The following SZT2 variants were observed in gnomAD, a reference collection of about 807,000 sequenced individuals.
SZT2 encodes the protein KICSTOR complex protein SZT2.
In SZT2, 216 loss-of-function variants were observed where a neutral mutation model predicts 404.2. The observed-to-expected ratio is 0.53, with a 90% CI of 0.48 to 0.60. SZT2 has a LOEUF of 0.60. Among genes scored for constraint, SZT2 ranks in the 20% least tolerant of loss-of-function variants. The pLI is 0.00. For missense variants in SZT2, 3,857 were observed against 4,459.2 expected (o/e 0.86, Z 3.85); for synonymous variants, 1,693 against 1,749.9 (o/e 0.97, Z 0.81).
chr1:43,452,339 G>A lies in SZT2; in HGVS notation c.*1859G>A, dbSNP rs1240370737. 1.9e-6 allele frequency: 3 copies of A among 1,592,340 alleles called. No individual in the cohort carries two copies. In the Admixed American group the frequency reaches 5.0e-5, roughly 27 times the overall value. The stretch of plus-strand genomic sequence containing the variant: ...TGGATCCTGTGGGGAAGATGGACTG[G>A]AGGCCTTGCCTCCCTTGGCTCTCTC... On this transcript the variant is annotated 3_prime_UTR_variant, in exon 72 of 72. Coordinates refer to ENST00000634258, the MANE Select transcript of SZT2 (RefSeq NM_001365999.1).
chr1:43,424,364 T>G lies in SZT2; in HGVS notation c.2403T>G (p.Ser801Arg). 4.4e-6 allele frequency: 7 copies of G among 1,597,988 alleles called. No homozygotes were observed. Among genetic ancestry groups the G allele is most frequent in the Non-Finnish European group, 5.9e-6 (7 of 1,179,592 alleles). ...TCTACCATCAGCGCTGGCTTTGGAG[T>G]GTCCCGTCAGGACTGGCCCCTGCGC... The part of the protein sequence containing the change: ...RYLYHQRWLW[S>R]VPSGLAPALP... Residue 801 changes from serine (S) to arginine (R), a missense_variant, in exon 16 of 72, where the codon AGT (serine) becomes AGG (arginine). Coordinates refer to ENST00000634258, the MANE Select transcript of SZT2 (RefSeq NM_001365999.1). This position sits in a 1 kb window ranked among gnomAD's most constrained non-coding sequence, Gnocchi z 4.1.
chr1:43,392,278 A>G (rs1648480551), intron 1 of SZT2, among the ~76,000 whole-genome samples: 1 of 152,174 alleles, frequency 6.6e-6, no homozygotes, highest in Non-Finnish European at 1.5e-5. Flanking sequence ...CACTGATAGC[A>G]CATCCCATCT....
Position 43,442,058 on chromosome 1 carries a change from C to G in SZT2, c.7801C>G (p.Arg2601Gly). ...CSPGQLGPSP[R>G]PAAERHLLLL... ...CCCTGGGCAACTGGGCCCCTCTCCC[C>G]GCCCTGCAGCTGAGCGGCATCTGCT... The change falls in exon 56 of 72, where the codon CGC becomes GGC. Residue 2601 changes from arginine to glycine, a missense_variant. Around this residue, in one of 7 missense-constraint regions of SZT2, gnomAD observed 573 missense variants for 592.4 expected, o/e 0.97. Coordinates refer to ENST00000634258, the MANE Select transcript of SZT2 (RefSeq NM_001365999.1). This position sits in a 1 kb window ranked among gnomAD's most constrained non-coding sequence, Gnocchi z 4.5. The G allele has an allele frequency of 6.2e-7, 1 of 1,614,104 alleles. No homozygotes were observed. Among genetic ancestry groups the G allele is most frequent in the South Asian group, 1.1e-5 (1 of 91,074 alleles).
In SZT2 at chr1:43,453,691, C is replaced by CGGCCTCGAAGCCCGAGCT. The variant is rs747150342; in HGVS notation, c.*3213_*3230dup. 1.4e-6 allele frequency: 2 copies of CGGCCTCGAAGCCCGAGCT among 1,452,388 alleles called. No homozygotes were observed. The highest frequency in any genetic ancestry group is 2.7e-5 in the South Asian group (2 of 73,486). The allele number at this position is 1,452,388 out of a possible 1,614,324, so 90.0% of individuals were successfully genotyped here. A position where few individuals can be genotyped will look rare whatever the true frequency, so the allele number is the denominator to read the frequency against. ...TCCGCGTACGGCCAGGCCACCTCGA[C>CGGCCTCGAAGCCCGAGCT]GGCCTCGAAGCCCGAGCTGCCCGCG... is the stretch of plus-strand genomic sequence containing the variant. On this transcript the variant is annotated 3_prime_UTR_variant, in exon 72 of 72. Transcript: ENST00000634258.
rs573008351 is a variant in SZT2, at chr1:43,438,264, C to T, written c.6508+362C>T. On this transcript the variant is annotated intron_variant, in intron 46 of 71. Transcript: ENST00000634258. ...GGGGTGGCTGGAGAACTGGTGGTGCCACCGACCTGATACCAGACTGGGTTC... is the reference window on the plus strand; with the variant it reads ...GGGGTGGCTGGAGAACTGGTGGTGCTACCGACCTGATACCAGACTGGGTTC... 137 of 353,210 alleles carry T rather than the reference C, an allele frequency of 3.9e-4. 1 individual carries two copies. Among genetic ancestry groups the T allele is most frequent in the Non-Finnish European group, 6.3e-4 (119 of 187,784 alleles). 21.9% of individuals were successfully genotyped at this position (353,210 alleles called of 1,614,324 possible). A position where few individuals can be genotyped will look rare whatever the true frequency, so the allele number is the denominator to read the frequency against.
chr1:43,443,462 A>G lies in SZT2; in HGVS notation c.8610A>G (p.Gly2870=). Residue 2870 remains glycine, a synonymous_variant, in exon 61 of 72, where the codon GGA becomes GGG. Transcript: ENST00000634258. ...AWLHGPPETS[G]PPDGQRRHRP... is the part of the protein sequence containing the mutation. ...TGCATGGGCCCCCAGAGACCTCTGG[A>G]CCCCCTGACGGGCAGGTAAGGCTGA... 1 of 1,614,070 alleles carries G rather than the reference A, an allele frequency of 6.2e-7. No individual in the cohort carries two copies. The highest frequency in any genetic ancestry group is 8.5e-7 in the Non-Finnish European group (1 of 1,180,002).
rs922237596 is a variant in SZT2 at position 43,452,111 on chromosome 1, G to A, written c.*1631G>A. On this transcript the variant is annotated 3_prime_UTR_variant, in exon 72 of 72. Transcript: ENST00000634258. ...GGCCCTCACCTGTTCCTCTGACCTA[G>A]GCTGGCAGCCTCACGTGCTGTCCCC... is the stretch of plus-strand genomic sequence containing the variant. 2.0e-6 allele frequency: 3 copies of A among 1,502,270 alleles called. No homozygotes were observed. Among genetic ancestry groups the A allele is most frequent in the African/African-American group, 1.4e-5 (1 of 72,752 alleles). 93.1% of individuals were successfully genotyped at this position (1,502,270 alleles called of 1,614,324 possible). A position where few individuals can be genotyped will look rare whatever the true frequency, so the allele number is the denominator to read the frequency against.
chr1:43,448,007 C>G lies in SZT2; in HGVS notation c.9563+36C>G. On this transcript the variant is annotated intron_variant, in intron 68 of 71. Transcript: ENST00000634258. This position sits in a 1 kb window ranked among gnomAD's most constrained non-coding sequence, Gnocchi z 4.2. ...CCCCTACCTTGAACATGCCCATTTCCCAGCCTGCCCCACCCTGCCCTGTGT... is the reference window on the plus strand; with the variant it reads ...CCCCTACCTTGAACATGCCCATTTCGCAGCCTGCCCCACCCTGCCCTGTGT... The G allele has an allele frequency of 6.2e-7, 1 of 1,613,162 alleles. No homozygotes were observed. The highest frequency in any genetic ancestry group is 1.3e-5 in the African/African-American group (1 of 74,978).
In SZT2 at chr1:43,451,779, A is replaced by C; in HGVS notation, c.*1299A>C. ...GCCCCGCCCTCCTTCCGATCTGCGA[A>C]GTACCCCCTTCCACTTACCATTTGT... On this transcript the variant is annotated 3_prime_UTR_variant, in exon 72 of 72. Coordinates refer to ENST00000634258, the MANE Select transcript of SZT2 (RefSeq NM_001365999.1). 1 of 1,614,106 alleles carries C rather than the reference A, an allele frequency of 6.2e-7. No homozygotes were observed. Among genetic ancestry groups the C allele is most frequent in the African/African-American group, 1.3e-5 (1 of 75,038 alleles).
Position 43,443,601 on chromosome 1 carries a change from G to C in SZT2, c.8630G>C (p.Arg2877Pro). 1 of 1,614,066 alleles carries C rather than the reference G, an allele frequency of 6.2e-7. No homozygotes were observed. The highest frequency in any genetic ancestry group is 8.5e-7 in the Non-Finnish European group (1 of 1,180,020). Residue 2877 changes from arginine to proline, a missense_variant, in exon 62 of 72, where the codon CGC becomes CCC. By Grantham distance (103) the Arg-to-Pro change is moderately radical. Transcript: ENST00000634258. ...ETSGPPDGQR[R>P]HRPESGSGSR... ...CCTTGATCTTTACTCTCATAGCGGC[G>C]CCATCGCCCTGAGTCAGGGTCTGGG... is the stretch of plus-strand genomic sequence containing the variant.
chr1:43,414,989 C>T (rs1651528992), intron 4 of SZT2, 93 bp from the exon 5 acceptor site: 1 of 1,477,582 alleles, frequency 6.8e-7, no homozygotes, highest in African/African-American at 1.4e-5. Flanking sequence ...TCAGGATCGC[C>T]TAGATGGAGC....
At chr1:43,434,288 C>T (rs985662309) in intron 40 of SZT2, 98 bp from the exon 41 acceptor site, 58 of 1,050,776 alleles carry the variant, frequency 5.5e-5, no homozygotes, top group Middle Eastern at 4.8e-4. Flanking sequence ...CTCTCCCCCT[C>T]GTGATACGTA....
In SZT2 at chr1:43,427,563, C is replaced by T; in HGVS notation, c.3632C>T (p.Pro1211Leu). ...CAGAATCAAGGAGAGCTAAGTCCAC[C>T]ATTCCGTCGAGACTTACAGGCTTAC... ...NAQNQGELSP[P>L]FRRDLQAYAG... Residue 1211 changes from proline (P) to leucine (L), a missense_variant, in exon 26 of 72, where the codon CCA becomes CTA. Around this residue, in one of 7 missense-constraint regions of SZT2, gnomAD observed 1,725 missense variants for 1,881.0 expected, o/e 0.92. Coordinates refer to ENST00000634258, the MANE Select transcript of SZT2 (RefSeq NM_001365999.1). 6.2e-7 allele frequency: 1 copy of T among 1,614,236 alleles called. No individual in the cohort carries two copies. Among genetic ancestry groups the T allele is most frequent in the East Asian group, 2.2e-5 (1 of 44,876 alleles).
rs772034874 is a variant in SZT2, at chr1:43,448,569, G to A, written c.9970-43G>A. The A allele has an allele frequency of 1.2e-6, 2 of 1,613,968 alleles. No individual in the cohort carries two copies. Among genetic ancestry groups the A allele is most frequent in the Non-Finnish European group, 1.7e-6 (2 of 1,179,896 alleles). The stretch of plus-strand genomic sequence containing the variant: ...CAGGGCAGAGGGCACAGGAATCTGA[G>A]GTGACTGGCACAGAAGACTCAGGCC... On this transcript the variant is annotated intron_variant, in intron 69 of 71. Transcript: ENST00000634258. This position sits in a 1 kb window ranked among gnomAD's most constrained non-coding sequence, Gnocchi z 4.2.
At chr1:43,407,244 C>T (rs890648429) in intron 4 of SZT2, among the ~76,000 whole-genome samples, 1 of 152,152 alleles carries the variant, frequency 6.6e-6, no homozygotes, top group African/African-American at 2.4e-5. Flanking sequence ...TGGCTCATGC[C>T]TGTAATCCTA....
In SZT2 at chr1:43,454,152, T is replaced by G; in HGVS notation, c.*3672T>G. ...TGCAATGATGGGACGCGCACTTTAA[T>G]ACTGAGTCTTTCCTCTGATTATAAA... On this transcript the variant is annotated 3_prime_UTR_variant, in exon 72 of 72. Coordinates refer to ENST00000634258, the MANE Select transcript of SZT2 (RefSeq NM_001365999.1). 2.3e-6 allele frequency: 1 copy of G among 437,616 alleles called. No homozygotes were observed. 27.1% of individuals were successfully genotyped at this position (437,616 alleles called of 1,614,324 possible).
chr1:43,440,327 A>G (rs954031149), intron 51 of SZT2, 126 bp from the exon 52 acceptor site: 6 of 1,374,716 alleles, frequency 4.4e-6, no homozygotes, highest in Non-Finnish European at 5.9e-6. Context: ...TATCAGTTGT[A>G]TATACTGTCA....
At chr1:43,391,957 G>A (rs1280016161) in intron 1 of SZT2, among the ~76,000 whole-genome samples, 1 of 68,568 alleles carries the variant, frequency 1.5e-5, no homozygotes, top group Non-Finnish European at 3.0e-5. Flanking sequence ...GGTGGCGGGC[G>A]CCTGTAGTCC....
rs2153931448 is a variant in SZT2 at position 43,415,123 on chromosome 1, G to A, written c.540G>A (p.Glu180=). 6.3e-7 allele frequency: 1 copy of A among 1,598,138 alleles called. No individual in the cohort carries two copies. The highest frequency in any genetic ancestry group is 1.3e-5 in the African/African-American group (1 of 75,028). The change falls in exon 5 of 72, where the codon GAG becomes GAA. Residue 180 remains glutamate, a synonymous_variant. Coordinates refer to ENST00000634258, the MANE Select transcript of SZT2 (RefSeq NM_001365999.1). The part of the protein sequence containing the change: ...QGCLLDPSQR[E]VFLQQIYEQL... ...GCCTCTTGGACCCTTCCCAGCGGGA[G>A]GTGTTCCTGCAGCAGATATATGAGC...
Sources: allele counts gnomAD v4.1 joint callset (sites outside exome capture counted in the v4.1 genomes callset), GRCh38; gene constraint gnomAD v4.1.1; regional missense constraint gnomAD v4.1.1; non-coding constraint Gnocchi (gnomAD v3.1); transcripts MANE v1.5; gene names NCBI Gene and HGNC (gene_info 2026-07-23, HGNC 2026-07-21).